R3HDM1: variants seen among roughly 807,000 people sequenced by gnomAD.
R3HDM1 encodes the protein R3H domain containing 1.
Under a neutral mutation model 141.1 loss-of-function variants are expected in R3HDM1, and 46 were observed. The ratio of observed to expected loss-of-function variants is 0.33; its 90% CI spans 0.26 to 0.42. The LOEUF (loss-of-function observed/expected upper bound fraction) is 0.42. Ranked by LOEUF, R3HDM1 falls within the 10% of genes least tolerant of loss-of-function variation. R3HDM1 has a pLI of 1.00. For missense variants in R3HDM1, 1,184 were observed against 1,368.3 expected, an observed-to-expected ratio of 0.87 and a Z score of 2.12; for synonymous variants, 435 against 472.9, an observed-to-expected ratio of 0.92 and a Z score of 1.04.
chr2:135,620,926 TGTG>T (rs2061458924), intron 5 of R3HDM1, among the ~76,000 whole-genome samples: 1 of 151,822 alleles, frequency 6.6e-6, no homozygotes, highest in Non-Finnish European at 1.5e-5. Context: ...TCTAAAAAAC[TGTG>T]GTGATTGAAG....
At chr2:135,700,936 A>C (rs1040432840) in intron 21 of R3HDM1, among the ~76,000 whole-genome samples, 1 of 152,192 alleles carries the variant, frequency 6.6e-6, no homozygotes, top group South Asian at 2.1e-4. Context: ...AAACCATGGA[A>C]TTGAACCCTG....
chr2:135,628,823 T>C (rs2062323355), intron 7 of R3HDM1, among the ~76,000 whole-genome samples: 1 of 152,002 alleles, frequency 6.6e-6, no homozygotes, highest in African/African-American at 2.4e-5. Context: ...TGGGGGTTTC[T>C]CCGTGTTGGT....
At chr2:135,534,046 A>C (rs186582668) in intron 1 of R3HDM1, 1 of 983,938 alleles carries the variant, frequency 1.0e-6, no homozygotes, top group African/African-American at 1.7e-5. Context: ...TCTGTTACTG[A>C]AGAGTACCAT....
chr2:135,603,956 CT>C (rs2059835823), intron 2 of R3HDM1, among the ~76,000 whole-genome samples: 1 of 152,144 alleles, frequency 6.6e-6, no homozygotes, highest in Non-Finnish European at 1.5e-5. Flanking sequence ...TGAGTGCTAT[CT>C]TTAGCTTAAT....
chr2:135,580,777 T>C (rs1706632953), intron 1 of R3HDM1, among the ~76,000 whole-genome samples: 1 of 152,058 alleles, frequency 6.6e-6, no homozygotes, highest in South Asian at 2.1e-4. Context: ...GCTGAGCTAC[T>C]CTGAAATTCA....
intron 9 of R3HDM1, among the ~76,000 whole-genome samples, chr2:135,633,993 T>C (rs527547487): frequency 1.3e-5 from 2 of 152,266 alleles, no homozygotes; most frequent in East Asian, 3.9e-4. Flanking sequence ...AATGTGACTT[T>C]GAACAGTTAC....
chr2:135,658,681 A>G (rs1467213926), intron 18 of R3HDM1, among the ~76,000 whole-genome samples: 2 of 152,176 alleles, frequency 1.3e-5, no homozygotes, highest in African/African-American at 2.4e-5. Context: ...GTAACTTTAT[A>G]AACTTTTTAA....
At chr2:135,700,039 AT>A (rs1186332727) in intron 21 of R3HDM1, among the ~76,000 whole-genome samples, 1 of 152,246 alleles carries the variant, frequency 6.6e-6, no homozygotes, top group Non-Finnish European at 1.5e-5. Flanking sequence ...ATTTAACAAA[AT>A]GCAAAATTGC....
chr2:135,607,331 A>G (rs1230947535), intron 3 of R3HDM1: 1 of 985,352 alleles, frequency 1.0e-6, no homozygotes, highest in East Asian at 1.1e-4. Context: ...TGTTCAGTCA[A>G]AAACTGTCTT....
In R3HDM1 at chr2:135,706,391, G is replaced by GT. The variant is rs201950140; in HGVS notation, c.2460-3034dup. 9.6e-3 allele frequency among the ~76,000 whole-genome samples: 1,342 copies of GT among 140,254 alleles called. 19 individuals carry two copies. Among genetic ancestry groups the GT allele is most frequent in the African/African-American group, 0.034 (1,217 of 35,288 alleles). 92.0% of individuals were successfully genotyped at this position (140,254 alleles called of 152,430 possible). A position where few individuals can be genotyped will look rare whatever the true frequency, so the allele number is the denominator to read the frequency against. On this transcript the variant is annotated intron_variant, in intron 21 of 26. Coordinates refer to ENST00000683871, the MANE Select transcript of R3HDM1 (RefSeq NM_001378107.1). ...TGTTTTTGTTTTTGTTTTTGTTTTT[G>GT]TTTTTTTTGAACATTCTTGGGTGTT...
chr2:135,695,928 AAAAC>A (rs1265019663), intron 21 of R3HDM1, among the ~76,000 whole-genome samples: 1 of 152,250 alleles, frequency 6.6e-6, no homozygotes, highest in Non-Finnish European at 1.5e-5. Flanking sequence ...ACAGGCTTAA[AAAAC>A]AAATATATTT....
At chr2:135,600,736 T>A (rs989932558) in intron 1 of R3HDM1, among the ~76,000 whole-genome samples, 1 of 152,220 alleles carries the variant, frequency 6.6e-6, no homozygotes, top group South Asian at 2.1e-4. Context: ...TAGTCTGTTA[T>A]CAAATGGTGT....
At chr2:135,561,034 G>A (rs1701703065) in intron 1 of R3HDM1, among the ~76,000 whole-genome samples, 1 of 152,216 alleles carries the variant, frequency 6.6e-6, no homozygotes, top group Non-Finnish European at 1.5e-5. Flanking sequence ...GGTAACAAAT[G>A]TATGGTACAA....
chr2:135,559,968 T>C (rs997648253), intron 1 of R3HDM1, among the ~76,000 whole-genome samples: 20 of 152,252 alleles, frequency 1.3e-4, no homozygotes, highest in Admixed American at 1.3e-3. Flanking sequence ...TCATCATGTA[T>C]AATTCAGTTC....
At chr2:135,621,642 A>AT (rs780441776) in intron 6 of R3HDM1, 34 bp downstream of exon 6, 3 of 1,500,856 alleles carry the variant, frequency 2.0e-6, no homozygotes, top group East Asian at 4.7e-5. Context: ...TTAAAAAAAA[A>AT]TTTTGCTATC....
intron 24 of R3HDM1, among the ~76,000 whole-genome samples, chr2:135,719,484 T>TAA (rs879938907): frequency 7.1e-6 from 1 of 139,928 alleles, no homozygotes; most frequent in African/African-American, 2.6e-5. Flanking sequence ...TCTCAAAAAT[T>TAA]AAAAAAAAAA....
intron 1 of R3HDM1, among the ~76,000 whole-genome samples, chr2:135,596,217 C>CA (rs2059170627): frequency 6.6e-6 from 1 of 152,118 alleles, no homozygotes. Flanking sequence ...AGGCTGGTCT[C>CA]AAACTCCTGA....
At chr2:135,685,225 C>T (rs946406602) in intron 21 of R3HDM1, among the ~76,000 whole-genome samples, 3 of 152,104 alleles carry the variant, frequency 2.0e-5, no homozygotes, top group Non-Finnish European at 4.4e-5. Context: ...TCTCCCTACC[C>T]TACCACTGGA....
intron 9 of R3HDM1, among the ~76,000 whole-genome samples, chr2:135,632,969 A>G (rs781233739): frequency 1.3e-5 from 2 of 152,162 alleles, no homozygotes; most frequent in African/African-American, 2.4e-5. Flanking sequence ...TATAGCTGCC[A>G]TATCACTTGC....
Sources: gnomAD v4.1 joint callset for allele counts (sites outside exome capture counted in the v4.1 genomes callset) on GRCh38, gnomAD v4.1.1 for gene constraint, MANE v1.5 for transcripts, NCBI Gene and HGNC (gene_info 2026-07-23, HGNC 2026-07-21) for gene names.